REV3L: variants seen among roughly 807,000 people sequenced by gnomAD.
The protein encoded by REV3L is REV3 like, DNA directed polymerase zeta catalytic subunit, also known as DNA polymerase zeta catalytic subunit.
In REV3L, 69 loss-of-function variants were observed where a neutral mutation model predicts 299.4. The ratio of observed to expected loss-of-function variants is 0.23; its 90% CI spans 0.19 to 0.28. The LOEUF is 0.28. REV3L is among the 10% of genes least tolerant of loss of function. REV3L has a pLI of 1.00. For synonymous variants in REV3L, 1,238 were observed against 1,271.4 expected (o/e 0.97, Z 0.56); for missense variants, 3,128 against 3,693.8 (o/e 0.85, Z 3.97).
intron 11 of REV3L, 93 bp from the exon 12 acceptor site, chr6:111,377,936 T>A: frequency 1.0e-6 from 1 of 980,302 alleles, no homozygotes; most frequent in Non-Finnish European, 1.5e-6. Flanking sequence ...TATAATAATG[T>A]ATCTAAGTTA....
intron 4 of REV3L, among the ~76,000 whole-genome samples, chr6:111,398,561 C>T (rs1782765130): frequency 6.6e-6 from 1 of 151,990 alleles, no homozygotes; most frequent in African/African-American, 2.4e-5. Context: ...TGTATATGCA[C>T]ATATAATATT....
intron 1 of REV3L, among the ~76,000 whole-genome samples, chr6:111,466,714 T>C (rs1037224980): frequency 5.3e-5 from 8 of 152,144 alleles, no homozygotes; most frequent in African/African-American, 1.9e-4. Context: ...TGGTGGCACA[T>C]GCTTGTAATC....
In REV3L at chr6:111,405,650, T is replaced by C. The variant is rs1349814882; in HGVS notation, c.405-20A>G. The C allele has an allele frequency of 2.0e-6, 3 of 1,514,802 alleles. No individual in the cohort carries two copies. The highest frequency in any genetic ancestry group is 2.0e-5 in the Admixed American group (1 of 50,874). The allele number at this position is 1,514,802 out of a possible 1,614,324, so 93.8% of individuals were successfully genotyped here. A position where few individuals can be genotyped will look rare whatever the true frequency, so the allele number is the denominator to read the frequency against. ...CATATCCTAAATTAGAAAAAAAAAGTTTTATCATAAAATTATGTTCCCTAA... is the reference window on the plus strand; with the variant it reads ...CATATCCTAAATTAGAAAAAAAAAGCTTTATCATAAAATTATGTTCCCTAA... On this transcript the variant is annotated intron_variant, in intron 3 of 31. Coordinates refer to ENST00000368802, the MANE Select transcript of REV3L (RefSeq NM_001372078.1).
intron 1 of REV3L, among the ~76,000 whole-genome samples, chr6:111,422,650 A>T (rs191511342): frequency 1.2e-4 from 2 of 16,808 alleles, no homozygotes; most frequent in Non-Finnish European, 5.2e-4. Context: ...ATATATATAC[A>T]TATATATATA....
At chr6:111,418,165 G>A (rs959331495) in intron 1 of REV3L, among the ~76,000 whole-genome samples, 1 of 152,148 alleles carries the variant, frequency 6.6e-6, no homozygotes, top group Non-Finnish European at 1.5e-5. Flanking sequence ...GGTTGAGGGA[G>A]GTGGGAAGAC....
intron 9 of REV3L, among the ~76,000 whole-genome samples, chr6:111,383,623 G>A (rs992959760): frequency 6.6e-6 from 1 of 151,976 alleles, no homozygotes; most frequent in African/African-American, 2.4e-5. Flanking sequence ...CCAAAAAATG[G>A]AAAAGATATT....
At chr6:111,421,865 AT>A (rs1785401482) in intron 1 of REV3L, among the ~76,000 whole-genome samples, 1 of 152,222 alleles carries the variant, frequency 6.6e-6, no homozygotes, top group Non-Finnish European at 1.5e-5. Flanking sequence ...CAAGTTTTAT[AT>A]CACTATCATT....
At chr6:111,477,442 C>T (rs963504831) in intron 1 of REV3L, among the ~76,000 whole-genome samples, 1 of 152,184 alleles carries the variant, frequency 6.6e-6, no homozygotes, top group Non-Finnish European at 1.5e-5. Context: ...CTCTGAGAGT[C>T]TGTGATAGGG....
At chr6:111,303,671 CTTTTT>C (rs144753407) in intron 31 of REV3L, among the ~76,000 whole-genome samples, 5 of 56,090 alleles carry the variant, frequency 8.9e-5, no homozygotes, top group African/African-American at 2.9e-4. Context: ...CCAGCCGAGG[CTTTTT>C]TTTTTTTTTT....
At chr6:111,341,039 C>CTTTT (rs5879104) in intron 21 of REV3L, among the ~76,000 whole-genome samples, 27,694 of 131,586 alleles carry the variant, frequency 0.21, 3,728 homozygotes, top group African/African-American at 0.26. Flanking sequence ...TTCTCCTCAG[C>CTTTT]TTTTTTTTTT....
chr6:111,370,756 C>T (rs1165189410), intron 13 of REV3L, among the ~76,000 whole-genome samples: 11 of 151,966 alleles, frequency 7.2e-5, no homozygotes, highest in Non-Finnish European at 1.3e-4. Flanking sequence ...AAGGAAGGTA[C>T]AGAAGTTTCC....
At chr6:111,412,643 G>A (rs2128281571) in intron 2 of REV3L, among the ~76,000 whole-genome samples, 1 of 151,944 alleles carries the variant, frequency 6.6e-6, no homozygotes, top group East Asian at 1.9e-4. Context: ...TCACCTCTCT[G>A]TGATGTCTAA....
intron 30 of REV3L, among the ~76,000 whole-genome samples, chr6:111,309,011 C>G (rs1331136151): frequency 6.6e-6 from 1 of 152,218 alleles, no homozygotes; most frequent in East Asian, 1.9e-4. Context: ...CCCCGCTGCT[C>G]AAACCTCTAG....
chr6:111,437,984 CT>C (rs1787786823), intron 1 of REV3L, among the ~76,000 whole-genome samples: 1 of 151,638 alleles, frequency 6.6e-6, no homozygotes, highest in Non-Finnish European at 1.5e-5. Context: ...TCTCGAGTAG[CT>C]GGAACTACAG....
Position 111,367,902 on chromosome 6 carries a change from A to T in REV3L, c.5886T>A (p.Asn1962Lys), listed in dbSNP as rs1468038337. The T allele has an allele frequency of 1.2e-6, 2 of 1,614,178 alleles. No homozygotes were observed. The highest frequency in any genetic ancestry group is 1.7e-6 in the Non-Finnish European group (2 of 1,180,022). The change falls in exon 14 of 32, where the codon AAT becomes AAA. Residue 1962 changes from asparagine to lysine, a missense_variant. Transcript: ENST00000368802. ...WKTAFSAMTQ[N>K]PRPGSPLRSG... ...TGCGAAGGGGTGACCCTGGCCTTGG[A>T]TTCTGAGTCATTGCTGAGAATGCTG...
chr6:111,466,259 G>A (rs1583098037), intron 1 of REV3L, among the ~76,000 whole-genome samples: 1 of 151,898 alleles, frequency 6.6e-6, no homozygotes, highest in African/African-American at 2.4e-5. Context: ...AAGACTTATC[G>A]GTCATGAAGC....
chr6:111,392,754 A>C (rs1461678034), intron 5 of REV3L, 122 bp downstream of exon 5: 5 of 594,146 alleles, frequency 8.4e-6, no homozygotes, highest in African/African-American at 1.9e-5. Context: ...GTTTCTGTTA[A>C]GTGTATAGAT....
At chr6:111,360,904 TA>T (rs574121702) in intron 16 of REV3L, among the ~76,000 whole-genome samples, 71 of 149,614 alleles carry the variant, frequency 4.7e-4, no homozygotes, top group East Asian at 4.1e-3. Flanking sequence ...ATATTAGTAT[TA>T]AAAAAAAAAT....
rs1327510146 is a variant in REV3L at position 111,300,097 on chromosome 6, G to A, written c.9312C>T (p.Cys3104=). 6.2e-7 allele frequency: 1 copy of A among 1,613,492 alleles called. No individual in the cohort carries two copies. Among genetic ancestry groups the A allele is most frequent in the Non-Finnish European group, 8.5e-7 (1 of 1,179,734 alleles). ...CTCGGGAGAGTTTGAAAAGTACTGG[G>A]CAGTTCAGAGAAACACATGGGATGT... ...DRHIPCVSLN[C]PVLFKLSRVN... The change falls in exon 32 of 32, where the codon TGC becomes TGT. Residue 3104 remains cysteine, a synonymous_variant. Coordinates refer to ENST00000368802, the MANE Select transcript of REV3L (RefSeq NM_001372078.1).
Sources: allele counts gnomAD v4.1 joint callset (sites outside exome capture counted in the v4.1 genomes callset), GRCh38; gene constraint gnomAD v4.1.1; transcripts MANE v1.5; gene names NCBI Gene and HGNC (gene_info 2026-07-23, HGNC 2026-07-21).